The following TMC1 variants were observed in gnomAD, a reference collection of about 807,000 sequenced individuals.
TMC1 encodes the protein transmembrane channel-like protein 1.
In TMC1, 84 loss-of-function variants were observed where a neutral mutation model predicts 105.8. That is an observed-to-expected ratio of 0.79 (90% CI 0.67 to 0.95). The LOEUF (loss-of-function observed/expected upper bound fraction) is 0.95. Ranked by LOEUF, TMC1 falls within the 40% of genes least tolerant of loss-of-function variation. The pLI is 0.00. For synonymous variants in TMC1, 315 were observed against 311.5 expected (o/e 1.01, Z -0.12); for missense variants, 817 against 914.1 (o/e 0.89, Z 1.37).
chr9:72,702,703 T>G (rs1372375626), intron 8 of TMC1, among the ~76,000 whole-genome samples: 1 of 152,026 alleles, frequency 6.6e-6, no homozygotes, highest in Non-Finnish European at 1.5e-5. Context: ...CCAGTTTGGA[T>G]AAACAATAAG....
intron 1 of TMC1, among the ~76,000 whole-genome samples, chr9:72,570,024 C>T (rs1377680547): frequency 6.6e-6 from 1 of 152,030 alleles, no homozygotes; most frequent in East Asian, 1.9e-4. Flanking sequence ...CAACATTCAT[C>T]TTGACAGAGA....
chr9:72,571,441 G>A (rs999745794), intron 1 of TMC1, among the ~76,000 whole-genome samples: 2 of 106,734 alleles, frequency 1.9e-5, no homozygotes, highest in Admixed American at 1.8e-4. Context: ...TCAACCTCAC[G>A]CTTTTTTTTT....
chr9:72,637,679 C>A (rs1012371816), intron 4 of TMC1, among the ~76,000 whole-genome samples: 4 of 152,270 alleles, frequency 2.6e-5, no homozygotes, highest in South Asian at 4.2e-4. Flanking sequence ...TTCTACCCAG[C>A]ATCTGGTAGA....
At chr9:72,760,553 G>A (rs1447733870) in intron 12 of TMC1, among the ~76,000 whole-genome samples, 1 of 151,918 alleles carries the variant, frequency 6.6e-6, no homozygotes, top group African/African-American at 2.4e-5. Context: ...GAAAACATTT[G>A]GATCCACTCT....
chr9:72,614,734 G>A (rs535066036), intron 2 of TMC1, among the ~76,000 whole-genome samples: 9 of 152,284 alleles, frequency 5.9e-5, no homozygotes, highest in Non-Finnish European at 1.0e-4. Context: ...AGGCCAGAAT[G>A]CAGTGGCGTG....
At position 72,554,150 on chromosome 9, in the gene TMC1, C is replaced by T. The variant is rs114315001; in HGVS notation, c.-427-23752C>T. 4.2e-3 allele frequency among the ~76,000 whole-genome samples: 640 copies of T among 152,168 alleles called. 5 individuals are homozygous for T. Among genetic ancestry groups the T allele is most frequent in the African/African-American group, 0.014 (600 of 41,518 alleles). ...TTTTTTCCCCAGTCAGAAGCACTGA[C>T]GGATTTATTCTATTGGGTGTTGTCT... On this transcript the variant is annotated intron_variant, in intron 1 of 23. Transcript: ENST00000297784.
chr9:72,830,590 C>G (rs746047966), intron 22 of TMC1, 41 bp from the exon 23 acceptor site: 2 of 1,607,816 alleles, frequency 1.2e-6, no homozygotes, highest in African/African-American at 2.7e-5. Context: ...GTAGAAAACA[C>G]TGAGAAATCT....
intron 4 of TMC1, among the ~76,000 whole-genome samples, chr9:72,637,036 C>CT (rs752895017): frequency 1.3e-5 from 2 of 150,060 alleles, no homozygotes; most frequent in Admixed American, 6.7e-5. Context: ...CAGCCTAGAA[C>CT]TTTGAGTTTT....
intron 5 of TMC1, among the ~76,000 whole-genome samples, chr9:72,676,413 C>T (rs955971879): frequency 2.0e-5 from 3 of 152,088 alleles, no homozygotes; most frequent in Non-Finnish European, 4.4e-5. Flanking sequence ...TTTGAATGCC[C>T]TTGTAGACTA....
At chr9:72,655,130 GT>G (rs1418313984) in intron 5 of TMC1, among the ~76,000 whole-genome samples, 7 of 152,098 alleles carry the variant, frequency 4.6e-5, no homozygotes, top group African/African-American at 1.7e-4. Flanking sequence ...AGATCCGATG[GT>G]TTTATAAGTG....
chr9:72,802,067 A>G (rs1389625575), intron 17 of TMC1, among the ~76,000 whole-genome samples: 1 of 151,994 alleles, frequency 6.6e-6, no homozygotes, highest in African/African-American at 2.4e-5. Context: ...CCTTCCTCTA[A>G]TTGATGCTAG....
At chr9:72,828,968 C>A (rs1459675713) in intron 21 of TMC1, among the ~76,000 whole-genome samples, 1 of 152,138 alleles carries the variant, frequency 6.6e-6, no homozygotes, top group Non-Finnish European at 1.5e-5. Flanking sequence ...ATGGGCCATA[C>A]AAAACAGTCT....
chr9:72,830,485 G>A lies in TMC1; in HGVS notation c.2164G>A (p.Gly722Ser). The A allele has an allele frequency of 6.2e-7, 1 of 1,613,314 alleles. No homozygotes were observed. Among genetic ancestry groups the A allele is most frequent in the Non-Finnish European group, 8.5e-7 (1 of 1,179,710 alleles). The part of the protein sequence containing the change: ...AIYYLNATAK[G>S]QKAANLDLKK... Reference sequence around the variant, plus strand: ...CTATTATCTCAATGCTACTGCCAAGGGCCAGAAGGCAGCGAATCTGGATCT... The same window carrying A: ...CTATTATCTCAATGCTACTGCCAAGAGCCAGAAGGCAGCGAATCTGGATCT... The change falls in exon 22 of 24, where the codon GGC becomes AGC. Residue 722 changes from glycine to serine, a missense_variant. Physicochemically the swap from Gly to Ser is moderately conservative, Grantham distance 56. Transcript: ENST00000297784.
At chr9:72,689,314 C>G (rs1045406533) in intron 6 of TMC1, among the ~76,000 whole-genome samples, 1 of 152,024 alleles carries the variant, frequency 6.6e-6, no homozygotes, top group African/African-American at 2.4e-5. Flanking sequence ...CAAGGTAGGT[C>G]GGATGATTTC....
At chr9:72,815,700 A>G (rs1828776202) in intron 18 of TMC1, among the ~76,000 whole-genome samples, 2 of 152,210 alleles carry the variant, frequency 1.3e-5, no homozygotes, top group Admixed American at 6.5e-5. Flanking sequence ...TATATACATA[A>G]CTAATGTTCA....
chr9:72,787,430 C>G (rs1051419090), intron 13 of TMC1, among the ~76,000 whole-genome samples: 2 of 152,100 alleles, frequency 1.3e-5, no homozygotes, highest in African/African-American at 2.4e-5. Flanking sequence ...AGCTTTATGT[C>G]ATTGTGCCCC....
intron 2 of TMC1, among the ~76,000 whole-genome samples, chr9:72,604,455 A>G (rs1824876011): frequency 6.6e-6 from 1 of 152,208 alleles, no homozygotes; most frequent in Admixed American, 6.5e-5. Context: ...TACCAGCCCA[A>G]TATCTTCACA....
chr9:72,615,754 T>TTA (rs1160210232), intron 2 of TMC1, among the ~76,000 whole-genome samples: 127 of 100,406 alleles, frequency 1.3e-3, no homozygotes, highest in African/African-American at 5.7e-3. Context: ...ACCTTTCTTA[T>TTA]TTTTTTTTTT....
chr9:72,685,097 A>ATTTTTTTTTTTTT (rs1771194393), intron 5 of TMC1, among the ~76,000 whole-genome samples: 1 of 125,750 alleles, frequency 8.0e-6, no homozygotes, highest in African/African-American at 3.4e-5. Context: ...TTATAAAGTC[A>ATTTTTTTTTTTTT]TTCTTTTTTT....
Sources: gnomAD v4.1 joint callset for allele counts (sites outside exome capture counted in the v4.1 genomes callset) on GRCh38, gnomAD v4.1.1 for gene constraint, MANE v1.5 for transcripts, NCBI Gene and HGNC (gene_info 2026-07-23, HGNC 2026-07-21) for gene names.